PMS1: variants seen among roughly 807,000 people sequenced by gnomAD.
PMS1 encodes the protein PMS1 homolog 1, mismatch repair system component.
In PMS1, 79 loss-of-function variants were observed where a neutral mutation model predicts 93.1. That is an observed-to-expected ratio of 0.85 (90% CI 0.71 to 1.02). The LOEUF (loss-of-function observed/expected upper bound fraction) is 1.02. Among genes scored for constraint, PMS1 ranks in the 50% least tolerant of loss-of-function variants. PMS1 has a pLI of 0.00. For missense variants in PMS1, 1,064 were observed against 1,085.3 expected (o/e 0.98, Z 0.28); for synonymous variants, 335 against 363.4 (o/e 0.92, Z 0.89).
intron 4 of PMS1, among the ~76,000 whole-genome samples, chr2:189,816,798 A>T (rs955262515): frequency 6.6e-6 from 1 of 152,154 alleles, no homozygotes; most frequent in South Asian, 2.1e-4. Flanking sequence ...AAATTGACCT[A>T]TTGCAGCAAC....
Position 189,842,421 on chromosome 2 carries a change from A to G in PMS1, c.583-1543A>G, listed in dbSNP as rs547962686. The stretch of plus-strand genomic sequence containing the variant: ...AGTGAATTTGTTGAATTCTACCTGT[A>G]CTGATGATTTCTCAAGGGATTTGAC... On this transcript the variant is annotated intron_variant, in intron 5 of 12. Transcript: ENST00000441310. Among the ~76,000 whole-genome samples, 8 of 152,238 alleles carry G rather than the reference A, an allele frequency of 5.3e-5. 1 individual carries two copies. The East Asian group carries it at 1.6e-3, about 30-fold the overall frequency.
At chr2:189,836,655 AAGATTTTACTTGTTGGCAGACCGC>A (rs1356303489) in intron 5 of PMS1, among the ~76,000 whole-genome samples, 2 of 152,186 alleles carry the variant, frequency 1.3e-5, no homozygotes, top group African/African-American at 4.8e-5. Flanking sequence ...GCCCAATGAG[AAGATTTTACTTGTTGGCAGACCGC>A]TATTATTTAT....
At chr2:189,787,191 G>A (rs1451184802) in intron 1 of PMS1, among the ~76,000 whole-genome samples, 3 of 152,200 alleles carry the variant, frequency 2.0e-5, no homozygotes, top group Admixed American at 2.0e-4. Flanking sequence ...AAAAAAGTGT[G>A]AGATACAGGT....
At chr2:189,797,123 A>G (rs553445984) in intron 3 of PMS1, among the ~76,000 whole-genome samples, 16 of 152,288 alleles carry the variant, frequency 1.1e-4, no homozygotes, top group Non-Finnish European at 1.8e-4. Context: ...TTGAGAAAGC[A>G]TATCATTTTT....
At chr2:189,857,061 G>C (rs989999093) in intron 9 of PMS1, among the ~76,000 whole-genome samples, 2 of 152,062 alleles carry the variant, frequency 1.3e-5, no homozygotes, top group African/African-American at 4.8e-5. Flanking sequence ...GTATTTAAAA[G>C]TGTGGACAGT....
At chr2:189,869,816 TAAAAAAA>T (rs398060888) in intron 11 of PMS1, among the ~76,000 whole-genome samples, 1 of 134,904 alleles carries the variant, frequency 7.4e-6, no homozygotes, top group East Asian at 2.1e-4. Context: ...GACTCCATCT[TAAAAAAA>T]AAAAAAAAAA....
intron 5 of PMS1, 53 bp downstream of exon 5, chr2:189,818,233 T>A: frequency 1.7e-6 from 2 of 1,147,720 alleles, no homozygotes; most frequent in Non-Finnish European, 2.5e-6. Context: ...TAATAAACAA[T>A]GTATACTTTA....
chr2:189,868,681 A>G (rs1032100593), intron 11 of PMS1, among the ~76,000 whole-genome samples: 6 of 152,308 alleles, frequency 3.9e-5, no homozygotes, highest in African/African-American at 1.4e-4. Context: ...CGACCAAAAT[A>G]GTGTTTGAAG....
At chr2:189,789,817 G>C (rs1001959620) in intron 1 of PMS1, among the ~76,000 whole-genome samples, 6 of 151,516 alleles carry the variant, frequency 4.0e-5, no homozygotes, top group African/African-American at 1.2e-4. Context: ...CATTTTTTTT[G>C]GTCCAATAAA....
intron 1 of PMS1, among the ~76,000 whole-genome samples, chr2:189,786,335 T>A (rs531165600): frequency 6.6e-6 from 1 of 152,190 alleles, no homozygotes; most frequent in South Asian, 2.1e-4. Flanking sequence ...GTGGTTGAGA[T>A]TCGAGTCAAA....
In PMS1 at chr2:189,864,112, A is replaced by T; in HGVS notation, c.2226A>T (p.Thr742=). The change falls in exon 10 of 13, where the codon ACA becomes ACT. Residue 742 remains threonine, a synonymous_variant. Transcript: ENST00000441310. Reference sequence around the variant, plus strand: ...ATGCATGGCTAATGACATCCAAAACAGAGGTAATGTTATTAAATCCATATA... The same window carrying T: ...ATGCATGGCTAATGACATCCAAAACTGAGGTAATGTTATTAAATCCATATA... The part of the protein sequence containing the change: ...FPDAWLMTSK[T]EVMLLNPYRV... 6.2e-7 allele frequency: 1 copy of T among 1,613,562 alleles called. No homozygotes were observed. Among genetic ancestry groups the T allele is most frequent in the Non-Finnish European group, 8.5e-7 (1 of 1,179,588 alleles).
chr2:189,796,251 G>A (rs1034911436), intron 3 of PMS1, among the ~76,000 whole-genome samples: 2 of 152,088 alleles, frequency 1.3e-5, no homozygotes, highest in Non-Finnish European at 2.9e-5. Flanking sequence ...CCAGCTACTT[G>A]AGAGGCTGAG....
intron 9 of PMS1, among the ~76,000 whole-genome samples, chr2:189,859,459 C>T (rs965641645): frequency 1.3e-5 from 2 of 152,140 alleles, no homozygotes; most frequent in African/African-American, 4.8e-5. Context: ...GTTTCCAATT[C>T]TGGGTATGTA....
intron 3 of PMS1, among the ~76,000 whole-genome samples, chr2:189,805,130 G>T (rs1237626110): frequency 6.6e-6 from 1 of 151,690 alleles, no homozygotes; most frequent in East Asian, 1.9e-4. Context: ...TAGCCTTAAT[G>T]AGTTTAAAGC....
intron 1 of PMS1, among the ~76,000 whole-genome samples, chr2:189,788,527 A>C (rs1458033334): frequency 6.6e-6 from 1 of 152,210 alleles, no homozygotes; most frequent in Non-Finnish European, 1.5e-5. Context: ...GATAAAACCA[A>C]AGTAGTGTGA....
intron 4 of PMS1, among the ~76,000 whole-genome samples, chr2:189,810,012 T>A (rs752398837): frequency 5.9e-5 from 9 of 152,232 alleles, no homozygotes; most frequent in Non-Finnish European, 1.2e-4. Flanking sequence ...TCTGTCTTCC[T>A]TCTGTCTAGA....
At position 189,854,624 on chromosome 2, in the gene PMS1, C is replaced by T. The variant is rs181493700; in HGVS notation, c.1352C>T (p.Thr451Met). The change falls in exon 9 of 13, where the codon ACG becomes ATG. Residue 451 changes from threonine (T) to methionine (M), a missense_variant. Coordinates refer to ENST00000441310, the MANE Select transcript of PMS1 (RefSeq NM_000534.5). The part of the protein sequence containing the change: ...MSNVSWENSQ[T>M]EYSKTCFISS... ...AATGTATCATGGGAGAACTCTCAGA[C>T]GGAATATAGTAAAACTTGTTTTATA... 3.3e-5 allele frequency: 54 copies of T among 1,613,818 alleles called. No homozygotes were observed. The East Asian group carries it at 5.8e-4, about 17-fold the overall frequency.
At chr2:189,874,870 G>A (rs1156642084) in intron 12 of PMS1, among the ~76,000 whole-genome samples, 5 of 152,182 alleles carry the variant, frequency 3.3e-5, no homozygotes, top group African/African-American at 1.2e-4. Context: ...CTTAAAGGTT[G>A]AGGGAGCTGT....
intron 9 of PMS1, among the ~76,000 whole-genome samples, chr2:189,858,135 CAG>C (rs1249092507): frequency 6.6e-6 from 1 of 152,048 alleles, no homozygotes; most frequent in African/African-American, 2.4e-5. Context: ...ATTTTGGAGT[CAG>C]GGAGTTACTG....
Sources: allele counts gnomAD v4.1 joint callset (sites outside exome capture counted in the v4.1 genomes callset), GRCh38; gene constraint gnomAD v4.1.1; transcripts MANE v1.5; gene names NCBI Gene and HGNC (gene_info 2026-07-23, HGNC 2026-07-21).